CENPW: variants seen among roughly 807,000 people sequenced by gnomAD.
The protein encoded by CENPW is centromere protein W, also known as cancer-up-regulated gene 2 protein.
A neutral mutation model predicts 11.1 loss-of-function variants in CENPW; 3 were observed. The observed-to-expected ratio is 0.27, with a 90% confidence interval of 0.12 to 0.70. The LOEUF (loss-of-function observed/expected upper bound fraction) is 0.70. CENPW is among the 30% of genes least tolerant of loss of function. CENPW has a pLI of 0.77. For missense variants in CENPW, 100 were observed against 105.6 expected (o/e 0.95, Z 0.23); for synonymous variants, 38 against 42.0 (o/e 0.91, Z 0.37).
At chr6:126,457,980 T>C in the CENPW span, among the ~76,000 whole-genome samples, 1 of 151,382 alleles carries the variant, frequency 6.6e-6, no homozygotes, top group Admixed American at 6.6e-5. Flanking sequence ...TCTTTCTAGC[T>C]CTCACCTTCT....
chr6:126,460,216 A>T, the CENPW span, among the ~76,000 whole-genome samples: 1 of 151,652 alleles, frequency 6.6e-6, no homozygotes, highest in Admixed American at 6.6e-5. Context: ...TTTGTTTTAA[A>T]TTTACTTGAA....
the CENPW span, among the ~76,000 whole-genome samples, chr6:126,437,081 A>G: frequency 6.6e-5 from 10 of 151,760 alleles, no homozygotes; most frequent in Non-Finnish European, 8.8e-5. Context: ...GTCAACCTGT[A>G]TATGAGTAAT....
At chr6:126,371,771 C>T in the CENPW span, among the ~76,000 whole-genome samples, 4 of 152,076 alleles carry the variant, frequency 2.6e-5, no homozygotes, top group Non-Finnish European at 4.4e-5. Context: ...GTTATTGGTC[C>T]GTTCAGCGTT....
the CENPW span, among the ~76,000 whole-genome samples, chr6:126,419,301 T>A: frequency 6.6e-3 from 1,001 of 152,254 alleles, 8 homozygotes; most frequent in African/African-American, 0.023. Context: ...ACCAAACGTT[T>A]CTTTTTTCAC....
intron 1 of CENPW, among the ~76,000 whole-genome samples, chr6:126,342,041 G>T (rs189373039): frequency 6.6e-6 from 1 of 152,194 alleles, no homozygotes; most frequent in African/African-American, 2.4e-5. Flanking sequence ...TAAACAGTTC[G>T]CCTTCACTGT....
At chr6:126,380,029 A>C in the CENPW span, among the ~76,000 whole-genome samples, 2 of 152,148 alleles carry the variant, frequency 1.3e-5, no homozygotes, top group African/African-American at 4.8e-5. Context: ...CAAATTACCC[A>C]TCCAGATTAA....
At chr6:126,384,027 A>G in the CENPW span, among the ~76,000 whole-genome samples, 101 of 152,322 alleles carry the variant, frequency 6.6e-4, 2 homozygotes, top group South Asian at 0.018. Flanking sequence ...CAAATGCAGA[A>G]GAACTGAGGT....
chr6:126,462,372 A>G, the CENPW span, among the ~76,000 whole-genome samples: 19 of 151,970 alleles, frequency 1.3e-4, no homozygotes, highest in Admixed American at 2.0e-4. Flanking sequence ...GATACAGTTT[A>G]GTGATTTGGT....
the CENPW span, among the ~76,000 whole-genome samples, chr6:126,464,939 T>C: frequency 5.3e-5 from 8 of 152,220 alleles, no homozygotes; most frequent in African/African-American, 1.9e-4. Flanking sequence ...GCTTTCTTTC[T>C]AAGATCAGGA....
chr6:126,475,533 C>T, the CENPW span, among the ~76,000 whole-genome samples: 3 of 151,946 alleles, frequency 2.0e-5, no homozygotes, highest in Non-Finnish European at 4.4e-5. Flanking sequence ...GCCTTATAAA[C>T]AAACTATAAC....
chr6:126,458,087 C>G, the CENPW span, among the ~76,000 whole-genome samples: 1 of 151,328 alleles, frequency 6.6e-6, no homozygotes, highest in Non-Finnish European at 1.5e-5. Flanking sequence ...CTTACACTTT[C>G]TGGTCAATGA....
At chr6:126,473,314 T>C in the CENPW span, among the ~76,000 whole-genome samples, 2 of 152,350 alleles carry the variant, frequency 1.3e-5, no homozygotes, top group Admixed American at 1.3e-4. Flanking sequence ...AGTAAAACTA[T>C]GTTTAGCTCT....
chr6:126,412,400 A>G, the CENPW span, among the ~76,000 whole-genome samples: 2 of 152,056 alleles, frequency 1.3e-5, no homozygotes, highest in African/African-American at 4.8e-5. Context: ...GCCTCCTTGT[A>G]TCTGAAGAAA....
At chr6:126,464,814 A>T in the CENPW span, among the ~76,000 whole-genome samples, 2 of 152,058 alleles carry the variant, frequency 1.3e-5, no homozygotes, top group African/African-American at 2.4e-5. Flanking sequence ...CTCCTTAATA[A>T]ACTCCCTTTC....
chr6:126,459,839 G>A, the CENPW span, among the ~76,000 whole-genome samples: 5 of 151,232 alleles, frequency 3.3e-5, no homozygotes, highest in South Asian at 4.2e-4. Flanking sequence ...CTTGTAATTC[G>A]GGGACAAACA....
the CENPW span, among the ~76,000 whole-genome samples, chr6:126,433,876 T>C: frequency 5.0e-4 from 76 of 152,134 alleles, no homozygotes; most frequent in Non-Finnish European, 9.1e-4. Flanking sequence ...TTTATCACTC[T>C]AATCCTTTGC....
the CENPW span, among the ~76,000 whole-genome samples, chr6:126,409,136 G>A: frequency 6.6e-6 from 1 of 151,980 alleles, no homozygotes; most frequent in Non-Finnish European, 1.5e-5. Flanking sequence ...CATAGGTTTA[G>A]TCGTTTTAAG....
chr6:126,350,197 A>C (rs1780474661), downstream of CENPW, among the ~76,000 whole-genome samples: 1 of 152,128 alleles, frequency 6.6e-6, no homozygotes. Context: ...AATATGCAGC[A>C]TTGTGGTTTT....
the CENPW span, among the ~76,000 whole-genome samples, chr6:126,482,685 C>G: frequency 5.3e-5 from 8 of 151,928 alleles, no homozygotes; most frequent in Admixed American, 3.9e-4. Context: ...TATTTCTGAA[C>G]TCTCTAATTT....
Sources: gnomAD v4.1 joint callset for allele counts (sites outside exome capture counted in the v4.1 genomes callset) on GRCh38, gnomAD v4.1.1 for gene constraint, MANE v1.5 for transcripts, NCBI Gene and HGNC (gene_info 2026-07-23, HGNC 2026-07-21) for gene names.